The following NCAM2 variants were observed in gnomAD, a reference collection of about 807,000 sequenced individuals.
NCAM2 encodes the protein N-CAM-2.
A neutral mutation model predicts 98.1 loss-of-function variants in NCAM2; 30 were observed. The ratio of observed to expected loss-of-function variants is 0.31; its 90% CI spans 0.23 to 0.41. NCAM2 has a LOEUF of 0.41. Ranked by LOEUF, NCAM2 falls within the 10% of genes least tolerant of loss-of-function variation. The probability of loss-of-function intolerance (pLI) is 1.00; values close to 1 mark genes in which losing one functional copy is unlikely to be tolerated. For missense variants in NCAM2, 867 were observed against 1,005.8 expected (o/e 0.86, Z 1.87); for synonymous variants, 368 against 342.4 (o/e 1.07, Z -0.83).
intron 1 of NCAM2, among the ~76,000 whole-genome samples, chr21:21,207,252 G>C (rs188965442): frequency 1.2e-3 from 181 of 152,144 alleles, no homozygotes; most frequent in African/African-American, 4.1e-3. Flanking sequence ...TAGCGTTCTC[G>C]AGCTTTAATT....
At chr21:21,185,811 A>T (rs995767906) in intron 1 of NCAM2, among the ~76,000 whole-genome samples, 1 of 152,222 alleles carries the variant, frequency 6.6e-6, no homozygotes, top group Non-Finnish European at 1.5e-5. Context: ...CATCTAAAGG[A>T]ATATGCATAA....
intron 17 of NCAM2, among the ~76,000 whole-genome samples, chr21:21,535,226 T>C (rs1418501135): frequency 6.6e-6 from 1 of 152,032 alleles, no homozygotes; most frequent in Non-Finnish European, 1.5e-5. Context: ...TATCAAAAGC[T>C]GAAAAGATGA....
At chr21:21,232,972 C>G (rs919834068) in intron 1 of NCAM2, among the ~76,000 whole-genome samples, 1 of 151,532 alleles carries the variant, frequency 6.6e-6, no homozygotes, top group South Asian at 2.1e-4. Flanking sequence ...TTCTACTTTT[C>G]CTTTAAGATA....
chr21:21,429,339 C>A (rs2146011742), intron 11 of NCAM2, among the ~76,000 whole-genome samples: 1 of 152,294 alleles, frequency 6.6e-6, no homozygotes, highest in East Asian at 1.9e-4. Context: ...TAAAAACAAA[C>A]AATCATGTTT....
chr21:21,530,719 A>C lies in NCAM2; in HGVS notation c.2283-3818A>C, dbSNP rs149248441. ...TGAGTAGTATTCCATAGTGTTAGAT[A>C]TAATAAAGTATTTCTCTGCTTCTTT... On this transcript the variant is annotated intron_variant, in intron 16 of 17. Transcript: ENST00000400546. 5.6e-3 allele frequency among the ~76,000 whole-genome samples: 856 copies of C among 152,052 alleles called. 2 individuals are homozygous for C. The highest frequency in any genetic ancestry group is 0.01 in the Non-Finnish European group (685 of 67,876).
chr21:21,178,865 G>A (rs1315843036), intron 1 of NCAM2, among the ~76,000 whole-genome samples: 1 of 151,982 alleles, frequency 6.6e-6, no homozygotes, highest in East Asian at 1.9e-4. Context: ...GGCTTGAAGA[G>A]ACTATACATT....
intron 1 of NCAM2, among the ~76,000 whole-genome samples, chr21:21,225,202 A>G (rs1483058371): frequency 6.6e-6 from 1 of 152,164 alleles, no homozygotes; most frequent in Non-Finnish European, 1.5e-5. Context: ...TGGGAGCTGA[A>G]CAATGAGAAC....
rs144797804 is a variant in NCAM2, at chr21:21,116,810, G to T, written c.55+118192G>T. On this transcript the variant is annotated intron_variant, in intron 1 of 17. Transcript: ENST00000400546. ...GCGGAGCTTGCAGTGAGCCGAGATC[G>T]TGCCACTGCACTCCAGCCTGGGCGA... Among the ~76,000 whole-genome samples the T allele has an allele frequency of 6.8e-3, 1,027 of 151,786 alleles. 12 individuals carry two copies. The highest frequency in any genetic ancestry group is 0.023 in the African/African-American group (965 of 41,388).
intron 1 of NCAM2, among the ~76,000 whole-genome samples, chr21:21,221,615 C>G (rs1190888789): frequency 7.2e-5 from 11 of 152,184 alleles, no homozygotes; most frequent in African/African-American, 2.6e-4. Context: ...GGAGCAATAC[C>G]CTAGTATTAT....
At chr21:21,222,689 G>T (rs1233954588) in intron 1 of NCAM2, among the ~76,000 whole-genome samples, 4 of 151,962 alleles carry the variant, frequency 2.6e-5, no homozygotes, top group African/African-American at 9.7e-5. Context: ...CAAAGGAAGT[G>T]GTTTCTAGAT....
At chr21:21,144,282 G>A (rs1273596979) in intron 1 of NCAM2, among the ~76,000 whole-genome samples, 1 of 151,680 alleles carries the variant, frequency 6.6e-6, no homozygotes, top group Non-Finnish European at 1.5e-5. Context: ...CCAGGAGGTG[G>A]AGATTGCAGT....
At chr21:21,044,741 A>C (rs1293853647) in intron 1 of NCAM2, among the ~76,000 whole-genome samples, 1 of 151,916 alleles carries the variant, frequency 6.6e-6, no homozygotes, top group Non-Finnish European at 1.5e-5. Flanking sequence ...CAAGGTGGGA[A>C]GATTGCTTGA....
At chr21:21,270,790 A>G (rs985317713) in intron 1 of NCAM2, among the ~76,000 whole-genome samples, 1 of 151,396 alleles carries the variant, frequency 6.6e-6, no homozygotes, top group Non-Finnish European at 1.5e-5. Flanking sequence ...CCTTTGGGAG[A>G]TTTTCAAAAC....
intron 15 of NCAM2, among the ~76,000 whole-genome samples, chr21:21,491,875 A>C (rs1473549862): frequency 6.6e-6 from 1 of 151,604 alleles, no homozygotes; most frequent in African/African-American, 2.4e-5. Flanking sequence ...TTTAAATGAT[A>C]CAATAGTTAT....
At chr21:21,184,585 A>G (rs2068579438) in intron 1 of NCAM2, among the ~76,000 whole-genome samples, 1 of 152,148 alleles carries the variant, frequency 6.6e-6, no homozygotes, top group African/African-American at 2.4e-5. Context: ...ATTCCAGTGC[A>G]CAACCATTGT....
At chr21:21,479,504 G>A (rs1357964025) in intron 15 of NCAM2, among the ~76,000 whole-genome samples, 5 of 147,400 alleles carry the variant, frequency 3.4e-5, no homozygotes, top group Non-Finnish European at 7.4e-5. Context: ...GAATGGAGTG[G>A]ACCCGGGAGG....
intron 8 of NCAM2, among the ~76,000 whole-genome samples, chr21:21,351,779 C>A (rs1019314726): frequency 1.3e-5 from 2 of 152,176 alleles, no homozygotes; most frequent in African/African-American, 2.4e-5. Context: ...CAGAGTCTAG[C>A]TCTGTTGCCC....
At chr21:21,011,924 A>G (rs573789288) in intron 1 of NCAM2, among the ~76,000 whole-genome samples, 86 of 152,246 alleles carry the variant, frequency 5.6e-4, no homozygotes, top group African/African-American at 2.0e-3. Flanking sequence ...ATTAAAAACC[A>G]TAAGGAGATA....
intron 9 of NCAM2, among the ~76,000 whole-genome samples, chr21:21,402,306 TG>T (rs1377857108): frequency 6.6e-6 from 1 of 151,996 alleles, no homozygotes; most frequent in African/African-American, 2.4e-5. Flanking sequence ...ATTGCATTCC[TG>T]GGGGGAGGTC....
Sources: gnomAD v4.1 joint callset for allele counts (sites outside exome capture counted in the v4.1 genomes callset) on GRCh38, gnomAD v4.1.1 for gene constraint, MANE v1.5 for transcripts, NCBI Gene and HGNC (gene_info 2026-07-23, HGNC 2026-07-21) for gene names.